Variants in SEMA3D observed in about 807,000 individuals in gnomAD.
SEMA3D encodes the protein semaphorin 3D.
In SEMA3D, 84 loss-of-function variants were observed where a neutral mutation model predicts 100.1. That is an observed-to-expected ratio of 0.84 (90% CI 0.70 to 1.01). The LOEUF is 1.01. SEMA3D is among the 50% of genes least tolerant of loss of function. The pLI is 0.00. For missense variants in SEMA3D, 875 were observed against 934.1 expected (o/e 0.94, Z 0.82); for synonymous variants, 312 against 320.7 (o/e 0.97, Z 0.29).
chr7:85,131,986 G>T (rs1197495545), intron 2 of SEMA3D, among the ~76,000 whole-genome samples: 1 of 151,692 alleles, frequency 6.6e-6, no homozygotes, highest in African/African-American at 2.4e-5. Flanking sequence ...TTTAGTAGTT[G>T]CTGACCATTT....
chr7:85,017,595 G>A (rs994793482), intron 15 of SEMA3D, among the ~76,000 whole-genome samples: 1 of 151,678 alleles, frequency 6.6e-6, no homozygotes, highest in African/African-American at 2.4e-5. Flanking sequence ...TCTTGGGGGT[G>A]CAAATAGAAA....
chr7:85,180,528 C>G (rs1031184577), intron 1 of SEMA3D, among the ~76,000 whole-genome samples: 2 of 152,162 alleles, frequency 1.3e-5, no homozygotes, highest in Non-Finnish European at 2.9e-5. Flanking sequence ...TTAAATATAA[C>G]ATTTAAGATA....
chr7:85,221,619 T>C, the SEMA3D span, among the ~76,000 whole-genome samples: 1 of 152,218 alleles, frequency 6.6e-6, no homozygotes, highest in East Asian at 1.9e-4. Flanking sequence ...TAATAGATTA[T>C]ATTATAGTCA....
At chr7:85,100,626 A>T (rs903753580) in intron 3 of SEMA3D, among the ~76,000 whole-genome samples, 1 of 151,930 alleles carries the variant, frequency 6.6e-6, no homozygotes, top group African/African-American at 2.4e-5. Context: ...AATTCTAAAA[A>T]GTATCATGGC....
chr7:85,073,294 A>G (rs138523348), intron 5 of SEMA3D, among the ~76,000 whole-genome samples: 84 of 152,312 alleles, frequency 5.5e-4, no homozygotes, highest in African/African-American at 1.9e-3. Context: ...AGATTTTTGA[A>G]GTTATAAAAC....
intron 3 of SEMA3D, among the ~76,000 whole-genome samples, chr7:85,121,141 A>G (rs181766940): frequency 6.6e-6 from 1 of 152,280 alleles, no homozygotes; most frequent in Non-Finnish European, 1.5e-5. Context: ...CTAAAGTAAA[A>G]ACTATTTGGG....
At chr7:85,041,935 T>G in intron 10 of SEMA3D, 1 of 473,498 alleles carries the variant, frequency 2.1e-6, no homozygotes, top group Admixed American at 3.5e-5. Flanking sequence ...TGCTGTAGTT[T>G]TGTTTCCTTC....
intron 3 of SEMA3D, among the ~76,000 whole-genome samples, chr7:85,113,533 G>A (rs1235480821): frequency 2.0e-5 from 3 of 151,610 alleles, no homozygotes; most frequent in African/African-American, 7.3e-5. Flanking sequence ...AGTACTTTGG[G>A]AGGCCGAGGT....
intron 9 of SEMA3D, among the ~76,000 whole-genome samples, chr7:85,053,646 T>C (rs990335746): frequency 6.6e-6 from 1 of 151,992 alleles, no homozygotes; most frequent in Non-Finnish European, 1.5e-5. Context: ...GTTAGAAACA[T>C]GGGCAGCATG....
At chr7:85,202,049 TTTA>T in the SEMA3D span, among the ~76,000 whole-genome samples, 2 of 151,556 alleles carry the variant, frequency 1.3e-5, no homozygotes, top group African/African-American at 2.4e-5. Context: ...TATTTATTTA[TTTA>T]TTATTATTAT....
At chr7:85,011,911 G>A (rs76935711) in intron 17 of SEMA3D, among the ~76,000 whole-genome samples, 3,448 of 151,790 alleles carry the variant, frequency 0.023, 136 homozygotes, top group African/African-American at 0.079. Context: ...GTAACATTGT[G>A]ATAAATGTGT....
chr7:85,011,533 C>T (rs1789953040), intron 17 of SEMA3D, among the ~76,000 whole-genome samples: 1 of 151,726 alleles, frequency 6.6e-6, no homozygotes, highest in African/African-American at 2.4e-5. Flanking sequence ...ATTGTCTGCT[C>T]TCTCCCCCAA....
the SEMA3D span, among the ~76,000 whole-genome samples, chr7:85,192,610 A>G: frequency 6.6e-6 from 1 of 152,178 alleles, no homozygotes; most frequent in Admixed American, 6.5e-5. Context: ...TCTAAGGCAC[A>G]CAGTAACATA....
chr7:85,204,616 T>C, the SEMA3D span, among the ~76,000 whole-genome samples: 1 of 152,096 alleles, frequency 6.6e-6, no homozygotes, highest in African/African-American at 2.4e-5. Flanking sequence ...ATATTGTTGA[T>C]TACTATGTTC....
chr7:85,097,361 T>C (rs57674649), intron 4 of SEMA3D, among the ~76,000 whole-genome samples: 6,091 of 151,836 alleles, frequency 0.04, 384 homozygotes, highest in African/African-American at 0.14. Flanking sequence ...AAAAGCAGTA[T>C]GGTGTTTGTT....
intron 1 of SEMA3D, among the ~76,000 whole-genome samples, chr7:85,180,947 T>G (rs1791385587): frequency 6.6e-6 from 1 of 152,206 alleles, no homozygotes; most frequent in Non-Finnish European, 1.5e-5. Flanking sequence ...AGATTACTGA[T>G]CAGGTATTTT....
At chr7:85,127,640 A>G (rs895226933) in intron 2 of SEMA3D, among the ~76,000 whole-genome samples, 3 of 152,152 alleles carry the variant, frequency 2.0e-5, no homozygotes, top group African/African-American at 2.4e-5. Context: ...ATTTATAAAA[A>G]TTTAATAAAA....
the SEMA3D span, among the ~76,000 whole-genome samples, chr7:85,249,934 T>C: frequency 6.6e-6 from 1 of 152,114 alleles, no homozygotes; most frequent in Non-Finnish European, 1.5e-5. Flanking sequence ...GACGGGTGAT[T>C]TCTGCATTTC....
At position 85,042,271 on chromosome 7, in the gene SEMA3D, T is replaced by A. The variant is rs1344637217; in HGVS notation, c.876A>T (p.Gly292=). 4 of 1,607,188 alleles carry A rather than the reference T, an allele frequency of 2.5e-6. No individual in the cohort carries two copies. Among genetic ancestry groups the A allele is most frequent in the Non-Finnish European group, 3.4e-6 (4 of 1,174,164 alleles). ...TCCACTTGTTTATCAGGCTGCGTTG[T>A]CCTCCTACATCATTCTGACATGAAA... The part of the protein sequence containing the change: ...VGRVCKNDVG[G]QRSLINKWTT... Residue 292 remains glycine (G), a synonymous_variant, in exon 10 of 19, where the codon GGA becomes GGT. Transcript: ENST00000284136.
Sources: allele counts gnomAD v4.1 joint callset (sites outside exome capture counted in the v4.1 genomes callset), GRCh38; gene constraint gnomAD v4.1.1; transcripts MANE v1.5; gene names NCBI Gene and HGNC (gene_info 2026-07-23, HGNC 2026-07-21).